The following PMM2 variants were observed in gnomAD, a reference collection of about 807,000 sequenced individuals.
The protein encoded by PMM2 is mannose-6-phosphate isomerase.
PMM2 carries 35 observed loss-of-function variants against 33.2 expected under a neutral mutation model. The ratio of observed to expected loss-of-function variants is 1.06; its 90% CI spans 0.81 to 1.40. The LOEUF (loss-of-function observed/expected upper bound fraction) is 1.40. Among genes scored for constraint, PMM2 ranks in the 40% most tolerant of loss-of-function variants. PMM2 has a pLI of 0.00. For missense variants in PMM2, 386 were observed against 306.0 expected, an observed-to-expected ratio of 1.26 and a Z score of -1.95; for synonymous variants, 153 against 114.7, an observed-to-expected ratio of 1.33 and a Z score of -2.13.
chr16:8,814,745 T>C (rs746028203), intron 7 of PMM2, among the ~76,000 whole-genome samples: 3 of 152,260 alleles, frequency 2.0e-5, no homozygotes, highest in Non-Finnish European at 2.9e-5. Flanking sequence ...GCTGTACATA[T>C]TTAACGCTCA....
intron 7 of PMM2, chr16:8,832,634 G>C: frequency 1.0e-6 from 1 of 985,404 alleles, no homozygotes; most frequent in Non-Finnish European, 1.2e-6. Flanking sequence ...CCGGCTGCAG[G>C]AGCCTCCTAA....
intron 1 of PMM2, among the ~76,000 whole-genome samples, chr16:8,799,886 G>C (rs545138982): frequency 2.0e-5 from 3 of 152,100 alleles, no homozygotes; most frequent in Non-Finnish European, 2.9e-5. Flanking sequence ...CTGTCTAATA[G>C]GTCCAGATTC....
chr16:8,798,840 A>G (rs541143118), intron 1 of PMM2, among the ~76,000 whole-genome samples: 1 of 152,238 alleles, frequency 6.6e-6, no homozygotes, highest in Non-Finnish European at 1.5e-5. Flanking sequence ...CTCACCCCTC[A>G]TAGTTTTCGC....
intron 7 of PMM2, among the ~76,000 whole-genome samples, chr16:8,816,055 C>T (rs191176947): frequency 6.6e-6 from 1 of 152,228 alleles, no homozygotes; most frequent in Admixed American, 6.5e-5. Context: ...AAAAAAGGCT[C>T]AACATCAGTG....
chr16:8,800,462 G>A (rs563033173), intron 1 of PMM2, among the ~76,000 whole-genome samples: 5 of 151,682 alleles, frequency 3.3e-5, no homozygotes, highest in Non-Finnish European at 7.4e-5. Flanking sequence ...GTGTCTTAAT[G>A]TAGGGCTATT....
intron 7 of PMM2, chr16:8,832,190 G>C (rs2060814166): frequency 2.0e-6 from 2 of 985,392 alleles, no homozygotes; most frequent in African/African-American, 3.5e-5. Flanking sequence ...ACCATGCTCT[G>C]AGAGTCACAA....
intron 7 of PMM2, among the ~76,000 whole-genome samples, chr16:8,827,780 ATATT>A (rs1424430040): frequency 2.9e-5 from 2 of 69,126 alleles, no homozygotes; most frequent in Admixed American, 3.3e-4. Flanking sequence ...TTATATATAT[ATATT>A]TATATATATT....
chr16:8,805,572 G>A (rs1464638869), intron 3 of PMM2, among the ~76,000 whole-genome samples: 1 of 151,598 alleles, frequency 6.6e-6, no homozygotes, highest in Non-Finnish European at 1.5e-5. Context: ...AGAGCAGACT[G>A]CTTCACTATA....
intron 7 of PMM2, among the ~76,000 whole-genome samples, chr16:8,830,803 AG>A (rs2060805168): frequency 6.6e-6 from 1 of 152,222 alleles, no homozygotes; most frequent in Admixed American, 6.5e-5. Flanking sequence ...CCAGGCAAGA[AG>A]GGGGTTTATT....
At chr16:8,826,427 A>T (rs1159948846) in intron 7 of PMM2, among the ~76,000 whole-genome samples, 1 of 152,184 alleles carries the variant, frequency 6.6e-6, no homozygotes, top group Non-Finnish European at 1.5e-5. Flanking sequence ...GGCTACCTCC[A>T]TATGTCCCCA....
intron 7 of PMM2, chr16:8,832,343 T>C: frequency 1.0e-6 from 1 of 985,266 alleles, no homozygotes; most frequent in East Asian, 1.1e-4. Context: ...GCAGCCAGGG[T>C]CGGGAGGATT....
intron 2 of PMM2, among the ~76,000 whole-genome samples, chr16:8,803,944 A>C (rs1472103744): frequency 6.6e-6 from 1 of 150,768 alleles, no homozygotes; most frequent in Non-Finnish European, 1.5e-5. Flanking sequence ...TTGGCCTCCC[A>C]AAGTGCTGGG....
At chr16:8,803,805 T>C (rs1179611646) in intron 2 of PMM2, among the ~76,000 whole-genome samples, 1 of 151,776 alleles carries the variant, frequency 6.6e-6, no homozygotes, top group African/African-American at 2.4e-5. Context: ...TGCCTCAGCC[T>C]CCGAAGTAGC....
intron 3 of PMM2, among the ~76,000 whole-genome samples, chr16:8,806,074 A>T (rs1436655355): frequency 6.6e-6 from 1 of 152,218 alleles, no homozygotes; most frequent in Non-Finnish European, 1.5e-5. Context: ...AACAATAATG[A>T]GTACAAAAAT....
chr16:8,843,523 T>C (rs2060904185), intron 7 of PMM2, among the ~76,000 whole-genome samples: 1 of 151,660 alleles, frequency 6.6e-6, no homozygotes, highest in Non-Finnish European at 1.5e-5. Flanking sequence ...GCCCTGGTAG[T>C]CAGATTTCTG....
intron 1 of PMM2, among the ~76,000 whole-genome samples, 190 bp downstream of exon 1, chr16:8,798,138 G>A (rs937650361): frequency 2.0e-5 from 3 of 152,206 alleles, no homozygotes; most frequent in Non-Finnish European, 1.5e-5. Context: ...GAAGAGCTCT[G>A]GTGCTTGGAA....
intron 7 of PMM2, among the ~76,000 whole-genome samples, chr16:8,830,336 C>T (rs1315024110): frequency 6.6e-6 from 1 of 152,170 alleles, no homozygotes; most frequent in East Asian, 1.9e-4. Flanking sequence ...GCCAATTTAT[C>T]AAGACAGGAG....
intron 7 of PMM2, among the ~76,000 whole-genome samples, chr16:8,840,348 T>C (rs1001289450): frequency 1.3e-5 from 2 of 151,938 alleles, no homozygotes; most frequent in African/African-American, 4.8e-5. Context: ...AGTTTGGGGA[T>C]AGCACCAAGA....
Position 8,797,847 on chromosome 16 carries a change from A to T in PMM2, c.-36A>T. ...AGTTCCGGGCCGAGTTCCTCGTGCC[A>T]ACGTGTCTTGTAAGGTGCGGCTAGA... On this transcript the variant is annotated 5_prime_UTR_variant, in exon 1 of 8. Transcript: ENST00000268261. 6.2e-7 allele frequency: 1 copy of T among 1,605,706 alleles called. No homozygotes were observed. The highest frequency in any genetic ancestry group is 8.5e-7 in the Non-Finnish European group (1 of 1,176,306).
Sources: gnomAD v4.1 joint callset for allele counts (sites outside exome capture counted in the v4.1 genomes callset) on GRCh38, gnomAD v4.1.1 for gene constraint, MANE v1.5 for transcripts, NCBI Gene and HGNC (gene_info 2026-07-23, HGNC 2026-07-21) for gene names.